KYNU: variants seen among roughly 807,000 people sequenced by gnomAD.
KYNU encodes kynureninase.
In KYNU, 54 loss-of-function variants were observed where a neutral mutation model predicts 59.2. The observed-to-expected ratio is 0.91, with a 90% CI of 0.73 to 1.14. The LOEUF (loss-of-function observed/expected upper bound fraction) is 1.14, where lower values mean the gene tolerates loss of function less well. Among genes scored for constraint, KYNU ranks in the 50% most tolerant of loss-of-function variants. KYNU has a pLI of 0.00. For missense variants in KYNU, 567 were observed against 554.4 expected (o/e 1.02, Z -0.23); for synonymous variants, 177 against 192.0 (o/e 0.92, Z 0.65).
chr2:142,898,949 G>T (rs1334384085), intron 2 of KYNU, among the ~76,000 whole-genome samples: 1 of 152,174 alleles, frequency 6.6e-6, no homozygotes, highest in Admixed American at 6.5e-5. Context: ...AGCCCGATCG[G>T]GAGCAGAAAT....
intron 10 of KYNU, among the ~76,000 whole-genome samples, chr2:142,994,333 A>C (rs1685479500): frequency 6.6e-6 from 1 of 152,076 alleles, no homozygotes; most frequent in Admixed American, 6.6e-5. Context: ...AATACTTGGA[A>C]TATATTACTC....
intron 8 of KYNU, among the ~76,000 whole-genome samples, chr2:142,972,509 T>TA (rs1193027508): frequency 6.6e-6 from 1 of 152,156 alleles, no homozygotes; most frequent in Non-Finnish European, 1.5e-5. Context: ...ATGTGAATGA[T>TA]AATAGCTACA....
chr2:142,908,092 A>C (rs1682358612), intron 2 of KYNU, among the ~76,000 whole-genome samples: 3 of 152,204 alleles, frequency 2.0e-5, no homozygotes, highest in Non-Finnish European at 4.4e-5. Flanking sequence ...GTGTTTGTAT[A>C]TGTGTGTGTT....
Position 143,033,248 on chromosome 2 carries a change from T to C in KYNU, c.968T>C (p.Ile323Thr). ...RFKMDNKLQL[I>T]PGVCGFRISN... ...ATTAATTTCTCAGAACTGCAGTTAA[T>C]CCCTGGGGTCTGTGGATTCCGAATT... The change falls in exon 12 of 14, where the codon ATC becomes ACC. Residue 323 changes from isoleucine to threonine, a missense_variant. Transcript: ENST00000264170. The C allele has an allele frequency of 6.2e-7, 1 of 1,612,026 alleles. No individual in the cohort carries two copies. The highest frequency in any genetic ancestry group is 1.1e-5 in the South Asian group (1 of 91,036).
chr2:142,994,436 T>C (rs959758198), intron 10 of KYNU, among the ~76,000 whole-genome samples: 4 of 152,108 alleles, frequency 2.6e-5, no homozygotes, highest in Admixed American at 2.0e-4. Flanking sequence ...GGAATTATTC[T>C]TTTGTCCAGA....
chr2:142,961,761 G>A (rs1684358919), intron 8 of KYNU, among the ~76,000 whole-genome samples: 1 of 151,868 alleles, frequency 6.6e-6, no homozygotes. Flanking sequence ...AAAAAAAAGG[G>A]CAACATTCAA....
At chr2:142,929,544 G>C (rs1188744874) in intron 4 of KYNU, among the ~76,000 whole-genome samples, 1 of 152,030 alleles carries the variant, frequency 6.6e-6, no homozygotes, top group Non-Finnish European at 1.5e-5. Flanking sequence ...CATGACCCAA[G>C]GCACAGTCTC....
chr2:142,882,478 C>T (rs1404920868), intron 1 of KYNU, among the ~76,000 whole-genome samples: 1 of 152,288 alleles, frequency 6.6e-6, no homozygotes, highest in Non-Finnish European at 1.5e-5. Context: ...ATTCCTCCCC[C>T]ATCCCCCCAC....
At chr2:142,981,422 T>G (rs1032255820) in intron 8 of KYNU, among the ~76,000 whole-genome samples, 2 of 152,054 alleles carry the variant, frequency 1.3e-5, no homozygotes, top group African/African-American at 2.4e-5. Flanking sequence ...TTTTTCCCCA[T>G]ATGGAATTTC....
chr2:143,012,473 A>G (rs1314664702), intron 10 of KYNU, among the ~76,000 whole-genome samples: 1 of 147,166 alleles, frequency 6.8e-6, no homozygotes, highest in Non-Finnish European at 1.5e-5. Context: ...ACATAGCATG[A>G]CTCCATCTCC....
At chr2:142,986,953 T>C (rs1383135644) in intron 10 of KYNU, among the ~76,000 whole-genome samples, 3 of 151,890 alleles carry the variant, frequency 2.0e-5, no homozygotes, top group Admixed American at 1.3e-4. Flanking sequence ...TGATTTTCTA[T>C]AGTTTCTTTA....
intron 2 of KYNU, among the ~76,000 whole-genome samples, chr2:142,915,028 A>G (rs1465133061): frequency 3.9e-5 from 6 of 152,242 alleles, no homozygotes; most frequent in Non-Finnish European, 5.9e-5. Context: ...ACGCCTTTTC[A>G]TCTCTATCTG....
At chr2:142,892,717 T>C (rs1320476101) in intron 2 of KYNU, among the ~76,000 whole-genome samples, 2 of 152,244 alleles carry the variant, frequency 1.3e-5, no homozygotes, top group African/African-American at 2.4e-5. Context: ...CCATAATTTC[T>C]GTTTTAGGTG....
At chr2:142,995,079 C>T (rs1685503891) in intron 10 of KYNU, among the ~76,000 whole-genome samples, 1 of 151,936 alleles carries the variant, frequency 6.6e-6, no homozygotes, top group African/African-American at 2.4e-5. Context: ...CTTGGAGCAT[C>T]GGTATTAACT....
At chr2:142,993,703 A>G (rs150386647) in intron 10 of KYNU, among the ~76,000 whole-genome samples, 41 of 152,112 alleles carry the variant, frequency 2.7e-4, no homozygotes, top group Admixed American at 7.9e-4. Flanking sequence ...AATAACTTAC[A>G]TGCATTGAGG....
chr2:142,956,062 G>C, intron 5 of KYNU, 141 bp from the exon 6 acceptor site: 1 of 558,946 alleles, frequency 1.8e-6, no homozygotes, highest in Non-Finnish European at 3.2e-6. Context: ...AATTGAAAAG[G>C]TAGTCCTGAC....
chr2:142,944,977 TA>T (rs1490251154), intron 4 of KYNU, among the ~76,000 whole-genome samples: 3 of 152,200 alleles, frequency 2.0e-5, no homozygotes, highest in Admixed American at 6.5e-5. Flanking sequence ...ATACCTTAAT[TA>T]AAAAAATACT....
At chr2:143,032,713 G>GTA (rs1686788734) in intron 11 of KYNU, among the ~76,000 whole-genome samples, 2 of 148,826 alleles carry the variant, frequency 1.3e-5, no homozygotes, top group African/African-American at 4.9e-5. Flanking sequence ...TCCCTCTATT[G>GTA]TGTGTGTGTG....
At chr2:143,023,908 T>G (rs13034563) in intron 10 of KYNU, among the ~76,000 whole-genome samples, 53,815 of 151,442 alleles carry the variant, frequency 0.36, 10,522 homozygotes, top group East Asian at 0.52. Flanking sequence ...CCAGACATAT[T>G]TGTCAAAGTA....
Sources: gnomAD v4.1 joint callset for allele counts (sites outside exome capture counted in the v4.1 genomes callset) on GRCh38, gnomAD v4.1.1 for gene constraint, MANE v1.5 for transcripts, NCBI Gene and HGNC (gene_info 2026-07-23, HGNC 2026-07-21) for gene names.